The following EFCAB13 variants were observed in gnomAD, a reference collection of about 807,000 sequenced individuals.
EFCAB13 encodes EF-hand calcium binding domain 13.
In EFCAB13, 91 loss-of-function variants were observed where a neutral mutation model predicts 110.2. The ratio of observed to expected loss-of-function variants is 0.83; its 90% CI spans 0.70 to 0.98. EFCAB13 has a LOEUF of 0.98. EFCAB13 is among the 50% of genes least tolerant of loss of function. EFCAB13 has a pLI of 0.00. For missense variants in EFCAB13, 968 were observed against 1,119.4 expected (o/e 0.86, Z 1.93); for synonymous variants, 323 against 369.9 (o/e 0.87, Z 1.45).
At chr17:47,344,119 T>C in intron 6 of EFCAB13, 43 bp from the exon 7 acceptor site, 1 of 1,586,948 alleles carries the variant, frequency 6.3e-7, no homozygotes. Context: ...GAATTACCAG[T>C]GTCACTCACC....
Position 47,350,585 on chromosome 17 carries a change from T to TTG in EFCAB13, c.661+2650_661+2651dup, listed in dbSNP as rs1006786816. On this transcript the variant is annotated intron_variant, in intron 9 of 24. Coordinates refer to ENST00000331493, the MANE Select transcript of EFCAB13 (RefSeq NM_152347.5). ...ATAATTATTACTCCCACGCCTTTGT[T>TTG]TGTGTGTGTGTGTGTGTTTTTTTTT... Among the ~76,000 whole-genome samples, 8 of 150,696 alleles carry TTG rather than the reference T, an allele frequency of 5.3e-5. No homozygotes were observed. In the South Asian group the frequency reaches 8.5e-4, roughly 16 times the overall value.
intron 20 of EFCAB13, among the ~76,000 whole-genome samples, chr17:47,408,200 T>C (rs2065815216): frequency 6.6e-6 from 1 of 152,212 alleles, no homozygotes; most frequent in Non-Finnish European, 1.5e-5. Flanking sequence ...AATTAATGTT[T>C]ATTTCTATAG....
At chr17:47,382,941 A>G (rs749909527) in intron 14 of EFCAB13, among the ~76,000 whole-genome samples, 1 of 152,124 alleles carries the variant, frequency 6.6e-6, no homozygotes, top group African/African-American at 2.4e-5. Context: ...TAGGTTATTA[A>G]TTACTGTCTC....
chr17:47,324,661 AAAGC>A (rs1883294430), intron 2 of EFCAB13, 138 bp downstream of exon 2: 1 of 152,176 alleles, frequency 6.6e-6, no homozygotes, highest in African/African-American at 2.4e-5. Context: ...TGGCGAGAGA[AAAGC>A]GAGCGAGTCG....
At chr17:47,358,303 T>C (rs1217908926) in intron 9 of EFCAB13, among the ~76,000 whole-genome samples, 1 of 152,058 alleles carries the variant, frequency 6.6e-6, no homozygotes, top group Non-Finnish European at 1.5e-5. Context: ...CAGTTAGAAA[T>C]CAAGAGACTC....
At chr17:47,389,919 A>G (rs1598745831) in intron 14 of EFCAB13, among the ~76,000 whole-genome samples, 1 of 151,476 alleles carries the variant, frequency 6.6e-6, no homozygotes, top group East Asian at 2.0e-4. Flanking sequence ...TTTCTTTCAC[A>G]AGATAGGGAC....
intron 4 of EFCAB13, chr17:47,329,074 G>C (rs2065304746): frequency 6.6e-6 from 1 of 152,144 alleles, no homozygotes; most frequent in South Asian, 2.1e-4. Context: ...AGAATGATTA[G>C]ATAAGTAGAT....
Position 47,390,349 on chromosome 17 carries a change from C to T in EFCAB13, c.1583-1088C>T, listed in dbSNP as rs77366267. ...ATACACACACACACACACACACTTT[C>T]TCTCTCTCTCTCTGTGTTTTTTCAT... On this transcript the variant is annotated intron_variant, in intron 14 of 24. Coordinates refer to ENST00000331493, the MANE Select transcript of EFCAB13 (RefSeq NM_152347.5). 3.4e-3 allele frequency among the ~76,000 whole-genome samples: 511 copies of T among 151,336 alleles called. 17 individuals are homozygous for T. In the East Asian group the frequency reaches 0.065, roughly 19 times the overall value.
chr17:47,428,704 C>T (rs914521550), intron 23 of EFCAB13, among the ~76,000 whole-genome samples: 1 of 152,026 alleles, frequency 6.6e-6, no homozygotes, highest in African/African-American at 2.4e-5. Flanking sequence ...AATCTTGGTG[C>T]CTTCTTTATA....
At chr17:47,351,317 G>GCGCGCGCGCGCGCGCGCA (rs1204089926) in intron 9 of EFCAB13, among the ~76,000 whole-genome samples, 7 of 113,908 alleles carry the variant, frequency 6.1e-5, no homozygotes, top group Non-Finnish European at 1.2e-4. Context: ...GCGCGCGCGC[G>GCGCGCGCGCGCGCGCGCA]CGCGCGCGCG....
At chr17:47,369,595 A>G (rs1286556585) in intron 10 of EFCAB13, 1 of 152,638 alleles carries the variant, frequency 6.6e-6, no homozygotes, top group Non-Finnish European at 1.5e-5. Context: ...CTGGAAAACA[A>G]TAAAAATTTG....
intron 23 of EFCAB13, chr17:47,423,498 C>A (rs975225902): frequency 4.1e-6 from 1 of 243,426 alleles, no homozygotes; most frequent in African/African-American, 2.3e-5. Flanking sequence ...ACGGGCTCGG[C>A]GCGCAGGTGG....
intron 10 of EFCAB13, among the ~76,000 whole-genome samples, chr17:47,364,683 G>A (rs8079142): frequency 0.64 from 98,056 of 152,090 alleles, 32,041 homozygotes; most frequent in African/African-American, 0.73. Flanking sequence ...GTATACCCCT[G>A]TCCACTCTTA....
At chr17:47,400,175 T>C (rs182413522) in intron 17 of EFCAB13, among the ~76,000 whole-genome samples, 40 of 152,366 alleles carry the variant, frequency 2.6e-4, no homozygotes, top group African/African-American at 9.6e-4. Context: ...TCTTTTCGGC[T>C]TGGCAGCAAG....
intron 24 of EFCAB13, among the ~76,000 whole-genome samples, chr17:47,433,386 GT>G (rs749770073): frequency 3.2e-4 from 48 of 152,192 alleles, no homozygotes; most frequent in Middle Eastern, 3.4e-3. Flanking sequence ...TTCTTTCAAA[GT>G]TTTTGTTAGA....
chr17:47,379,355 T>C, intron 14 of EFCAB13, 102 bp downstream of exon 14: 1 of 862,122 alleles, frequency 1.2e-6, no homozygotes, highest in Non-Finnish European at 1.9e-6. Flanking sequence ...GGATACTTAA[T>C]AGTCCTGTGA....
At chr17:47,406,388 C>G (rs1427188808) in intron 20 of EFCAB13, among the ~76,000 whole-genome samples, 1 of 152,164 alleles carries the variant, frequency 6.6e-6, no homozygotes, top group Non-Finnish European at 1.5e-5. Context: ...GGATTACAGG[C>G]ATGAACCACG....
chr17:47,366,778 A>C (rs886998701), intron 10 of EFCAB13, among the ~76,000 whole-genome samples: 1 of 152,210 alleles, frequency 6.6e-6, no homozygotes, highest in Non-Finnish European at 1.5e-5. Context: ...TGGGAGTTTC[A>C]TAATAGGTGT....
intron 15 of EFCAB13, among the ~76,000 whole-genome samples, chr17:47,392,448 G>A (rs1017204654): frequency 7.2e-5 from 11 of 152,022 alleles, no homozygotes; most frequent in African/African-American, 2.4e-4. Context: ...GTGGAGATAT[G>A]TGTGTGTTGG....
Sources: allele counts gnomAD v4.1 joint callset (sites outside exome capture counted in the v4.1 genomes callset), GRCh38; gene constraint gnomAD v4.1.1; transcripts MANE v1.5; gene names NCBI Gene and HGNC (gene_info 2026-07-23, HGNC 2026-07-21).